Variants in PARP15 observed in about 807,000 individuals in gnomAD.
PARP15 encodes protein mono-ADP-ribosyltransferase PARP15.
Under a neutral mutation model 62.1 loss-of-function variants are expected in PARP15, and 50 were observed. The observed-to-expected ratio is 0.81, with a 90% confidence interval of 0.64 to 1.02. The LOEUF (loss-of-function observed/expected upper bound fraction) is 1.02, where lower values mean the gene tolerates loss of function less well. Among genes scored for constraint, PARP15 ranks in the 50% least tolerant of loss-of-function variants. PARP15 has a pLI of 0.00. For synonymous variants in PARP15, 309 were observed against 293.1 expected, an observed-to-expected ratio of 1.05 and a Z score of -0.55; for missense variants, 820 against 826.5, an observed-to-expected ratio of 0.99 and a Z score of 0.10.
At chr3:122,589,297 G>A (rs1470365984) in intron 1 of PARP15, among the ~76,000 whole-genome samples, 3 of 152,004 alleles carry the variant, frequency 2.0e-5, no homozygotes, top group African/African-American at 2.4e-5. Flanking sequence ...AAACGTAATT[G>A]TCTCCCGAGA....
At chr3:122,635,412 T>A (rs879202134) in intron 11 of PARP15, among the ~76,000 whole-genome samples, 2 of 151,802 alleles carry the variant, frequency 1.3e-5, no homozygotes, top group African/African-American at 4.8e-5. Flanking sequence ...GTTTTTTTTT[T>A]AATGGGCTTT....
chr3:122,585,953 T>C (rs1055475323), intron 1 of PARP15, among the ~76,000 whole-genome samples: 1 of 152,216 alleles, frequency 6.6e-6, no homozygotes, highest in African/African-American at 2.4e-5. Context: ...CAATTGCCAT[T>C]GGTAGATCTT....
chr3:122,613,376 G>T, intron 4 of PARP15, 108 bp downstream of exon 4: 1 of 971,674 alleles, frequency 1.0e-6, no homozygotes, highest in Non-Finnish European at 1.6e-6. Context: ...GTGCCTATAA[G>T]TGATGGTTGC....
chr3:122,579,821 A>G lies in PARP15; in HGVS notation c.186+1968A>G, dbSNP rs547313189. 9.2e-5 allele frequency among the ~76,000 whole-genome samples: 14 copies of G among 151,668 alleles called. No individual in the cohort carries two copies. In the South Asian group the frequency reaches 1.9e-3, roughly 20 times the overall value. Reference sequence around the variant, plus strand: ...TGGTGAAACCTCGTCTCTACTAAAAATACAAAAATTAGCCAGGCATGGTGG... The same window carrying G: ...TGGTGAAACCTCGTCTCTACTAAAAGTACAAAAATTAGCCAGGCATGGTGG... On this transcript the variant is annotated intron_variant, in intron 1 of 11. Coordinates refer to ENST00000464300, the MANE Select transcript of PARP15 (RefSeq NM_001113523.3).
intron 6 of PARP15, among the ~76,000 whole-genome samples, chr3:122,618,778 G>A (rs780850945): frequency 6.6e-5 from 10 of 152,134 alleles, no homozygotes; most frequent in Non-Finnish European, 1.5e-4. Context: ...AACATCGAGT[G>A]CCCAGCCCCT....
intron 7 of PARP15, among the ~76,000 whole-genome samples, chr3:122,620,739 GGAGGGACACCC>G (rs1936286737): frequency 2.0e-5 from 3 of 148,216 alleles, no homozygotes; most frequent in African/African-American, 7.3e-5. Context: ...GGGGAGGGTG[GGAGGGACACCC>G]GAGGGGCCCT....
chr3:122,581,128 G>T (rs2080794465), intron 1 of PARP15, among the ~76,000 whole-genome samples: 1 of 152,142 alleles, frequency 6.6e-6, no homozygotes, highest in Non-Finnish European at 1.5e-5. Context: ...TGACAGAATT[G>T]CCTAATAACA....
At chr3:122,593,521 A>T (rs988366618) in intron 1 of PARP15, among the ~76,000 whole-genome samples, 1 of 152,226 alleles carries the variant, frequency 6.6e-6, no homozygotes, top group Non-Finnish European at 1.5e-5. Context: ...TAGTACAAAA[A>T]TATGTATGGA....
chr3:122,605,932 A>G lies in PARP15; in HGVS notation c.187-4A>G, dbSNP rs1437255464. 6.4e-7 allele frequency: 1 copy of G among 1,550,924 alleles called. No individual in the cohort carries two copies. Among genetic ancestry groups the G allele is most frequent in the Non-Finnish European group, 8.7e-7 (1 of 1,146,546 alleles). ...CTGGTAATGCTTTACTGTTTTCTCCACAGTCCAGAGACAACAAGTTCAGCA... is the reference window on the plus strand; with the variant it reads ...CTGGTAATGCTTTACTGTTTTCTCCGCAGTCCAGAGACAACAAGTTCAGCA... On this transcript the variant is annotated splice_region_variant and splice_polypyrimidine_tract_variant and intron_variant, in intron 1 of 11. Transcript: ENST00000464300.
chr3:122,604,937 G>C (rs1935056066), intron 1 of PARP15, among the ~76,000 whole-genome samples: 1 of 152,174 alleles, frequency 6.6e-6, no homozygotes, highest in Non-Finnish European at 1.5e-5. Flanking sequence ...TTGGGAGGCT[G>C]AGGCAGGAGA....
chr3:122,615,329 T>A (rs1308737362), intron 4 of PARP15: 1 of 1,291,080 alleles, frequency 7.7e-7, no homozygotes, highest in Non-Finnish European at 1.0e-6. Flanking sequence ...CTGTATGTAT[T>A]TGTTGTTAAT....
At chr3:122,580,718 A>G (rs1048317580) in intron 1 of PARP15, among the ~76,000 whole-genome samples, 4 of 152,198 alleles carry the variant, frequency 2.6e-5, no homozygotes, top group Non-Finnish European at 5.9e-5. Flanking sequence ...AATATTTTAT[A>G]CGTATATATA....
chr3:122,602,282 T>G (rs576139834), intron 1 of PARP15, among the ~76,000 whole-genome samples: 1 of 152,236 alleles, frequency 6.6e-6, no homozygotes, highest in East Asian at 1.9e-4. Context: ...GGAGTTGACA[T>G]TCATCTCCTG....
Position 122,636,725 on chromosome 3 carries a change from G to A in PARP15, c.*625G>A, listed in dbSNP as rs1247282111. 1 of 152,470 alleles carries A rather than the reference G, an allele frequency of 6.6e-6. No individual in the cohort carries two copies. The highest frequency in any genetic ancestry group is 6.5e-5 in the Admixed American group (1 of 15,316). The allele number at this position is 152,470 out of a possible 1,614,324, so 9.4% of individuals were successfully genotyped here. A position where few individuals can be genotyped will look rare whatever the true frequency, so the allele number is the denominator to read the frequency against. On this transcript the variant is annotated 3_prime_UTR_variant, in exon 12 of 12. Transcript: ENST00000464300. ...AATCCCACACAGTCTTTATGGGTCA[G>A]GAATTCAGGCATGGCTTACCTGGAT...
intron 1 of PARP15, among the ~76,000 whole-genome samples, chr3:122,582,038 C>A (rs1349830869): frequency 6.6e-6 from 1 of 152,274 alleles, no homozygotes; most frequent in South Asian, 2.1e-4. Context: ...TCACATTTTA[C>A]CATTTTCATC....
chr3:122,593,120 C>CTATCTATCTATCTATCTATCTATG (rs373898846), intron 1 of PARP15, among the ~76,000 whole-genome samples: 2,725 of 30,502 alleles, frequency 0.089, 105 homozygotes, highest in African/African-American at 0.11. Flanking sequence ...ATCTATCTAT[C>CTATCTATCTATCTATCTATCTATG]TATGTATCTA....
rs921133824 is a variant in PARP15 at position 122,636,046 on chromosome 3, G to A, written c.1983G>A (p.Val661=). 1 of 1,613,852 alleles carries A rather than the reference G, an allele frequency of 6.2e-7. No individual in the cohort carries two copies. ...TNNTRSPKLF[V]VFFDNQAYPE... ...ATACACGATCTCCAAAGCTATTTGT[G>A]GTATTCTTTGATAATCAGGCTTACC... Residue 661 remains valine (V), a synonymous_variant, in exon 12 of 12, where the codon GTG becomes GTA. Transcript: ENST00000464300.
Position 122,617,029 on chromosome 3 carries a change from G to A in PARP15, c.865G>A (p.Val289Ile). The change falls in exon 6 of 12, where the codon GTC (valine) becomes ATC (isoleucine). Residue 289 changes from valine (V) to isoleucine (I), a missense_variant. Physicochemically the swap from Val to Ile is conservative, Grantham distance 29. Around this residue, in one of 3 missense-constraint regions of PARP15, gnomAD observed 731 missense variants for 727.7 expected, o/e 1.00. Coordinates refer to ENST00000464300, the MANE Select transcript of PARP15 (RefSeq NM_001113523.3). ...TTTCTTTTCAGGTGTGGTCGGGACT[G>A]TCTCTAAGCCTTGTTTCACAGCATA... ...AGDTQGVVGTVSKPCFTAYEM... is the reference protein window; with the variant it reads ...AGDTQGVVGTISKPCFTAYEM... 1 of 1,614,078 alleles carries A rather than the reference G, an allele frequency of 6.2e-7. No homozygotes were observed. The highest frequency in any genetic ancestry group is 8.5e-7 in the Non-Finnish European group (1 of 1,179,994).
intron 3 of PARP15, among the ~76,000 whole-genome samples, chr3:122,612,330 C>G (rs1425032849): frequency 1.3e-5 from 2 of 151,814 alleles, no homozygotes; most frequent in Admixed American, 1.3e-4. Context: ...GCTGGGATTA[C>G]AGGTGTGAAC....
Sources: allele counts gnomAD v4.1 joint callset (sites outside exome capture counted in the v4.1 genomes callset), GRCh38; gene constraint gnomAD v4.1.1; regional missense constraint gnomAD v4.1.1; transcripts MANE v1.5; gene names NCBI Gene and HGNC (gene_info 2026-07-23, HGNC 2026-07-21).